The following PIP4K2A variants were observed in gnomAD, a reference collection of about 807,000 sequenced individuals.
PIP4K2A encodes phosphatidylinositol 5-phosphate 4-kinase type-2 alpha.
Under a neutral mutation model 42.9 loss-of-function variants are expected in PIP4K2A, and 14 were observed. The ratio of observed to expected loss-of-function variants is 0.33; its 90% confidence interval spans 0.22 to 0.51. PIP4K2A has a LOEUF of 0.51. PIP4K2A is among the 20% of genes least tolerant of loss of function. The pLI is 0.97. For missense variants in PIP4K2A, 434 were observed against 519.8 expected, an observed-to-expected ratio of 0.83 and a Z score of 1.61; for synonymous variants, 192 against 192.2, an observed-to-expected ratio of 1.00 and a Z score of 0.01.
chr10:22,596,958 T>C (rs772113807), intron 3 of PIP4K2A, among the ~76,000 whole-genome samples: 36 of 152,370 alleles, frequency 2.4e-4, no homozygotes, highest in Non-Finnish European at 4.4e-4. Flanking sequence ...TATAGTGACA[T>C]ACACCTTCTA....
At chr10:22,619,769 T>C (rs1280824689) in intron 1 of PIP4K2A, among the ~76,000 whole-genome samples, 1 of 152,190 alleles carries the variant, frequency 6.6e-6, no homozygotes, top group Non-Finnish European at 1.5e-5. Flanking sequence ...TTCTCAAAAG[T>C]TGATGTCTAT....
intron 1 of PIP4K2A, among the ~76,000 whole-genome samples, chr10:22,696,303 C>T (rs752950153): frequency 3.3e-5 from 5 of 152,214 alleles, no homozygotes; most frequent in Non-Finnish European, 7.3e-5. Context: ...AGGGTCTCTC[C>T]TCAGCTGACA....
intron 3 of PIP4K2A, among the ~76,000 whole-genome samples, chr10:22,594,701 A>G (rs981046976): frequency 6.6e-6 from 1 of 152,238 alleles, no homozygotes; most frequent in African/African-American, 2.4e-5. Context: ...TGCCCAGCGC[A>G]ACATATGGGT....
At chr10:22,595,373 A>G (rs1291285151) in intron 3 of PIP4K2A, among the ~76,000 whole-genome samples, 3 of 152,242 alleles carry the variant, frequency 2.0e-5, no homozygotes, top group African/African-American at 7.2e-5. Context: ...TCATAATCAT[A>G]GACTTTTTGT....
chr10:22,648,603 T>C (rs142037200), intron 1 of PIP4K2A, among the ~76,000 whole-genome samples: 317 of 152,312 alleles, frequency 2.1e-3, no homozygotes, highest in African/African-American at 6.9e-3. Context: ...CTGAAACATG[T>C]GACCTTTTCT....
At chr10:22,594,267 T>G (rs1837578683) in intron 3 of PIP4K2A, among the ~76,000 whole-genome samples, 1 of 152,226 alleles carries the variant, frequency 6.6e-6, no homozygotes, top group Non-Finnish European at 1.5e-5. Context: ...CCCATTATAT[T>G]CTCTACACCT....
chr10:22,635,340 G>A (rs1012984356), intron 1 of PIP4K2A, among the ~76,000 whole-genome samples: 4 of 152,208 alleles, frequency 2.6e-5, no homozygotes, highest in African/African-American at 9.7e-5. Context: ...GGCTGAATGT[G>A]TGTGTCTGGA....
intron 1 of PIP4K2A, among the ~76,000 whole-genome samples, chr10:22,664,228 T>TATACAC (rs1554807358): frequency 2.2e-5 from 2 of 89,856 alleles, no homozygotes; most frequent in African/African-American, 1.2e-4. Flanking sequence ...CATATATATA[T>TATACAC]ACACACACAC....
chr10:22,637,814 G>C (rs1272233679), intron 1 of PIP4K2A, among the ~76,000 whole-genome samples: 2 of 152,174 alleles, frequency 1.3e-5, no homozygotes, highest in Non-Finnish European at 2.9e-5. Context: ...CAACAGTCTT[G>C]ATGCCCATCA....
chr10:22,665,069 T>C (rs1412203985), intron 1 of PIP4K2A, among the ~76,000 whole-genome samples: 7 of 152,220 alleles, frequency 4.6e-5, no homozygotes, highest in Admixed American at 2.6e-4. Context: ...CATATCTTTA[T>C]GGATATATTT....
At chr10:22,657,776 A>G (rs1017296285) in intron 1 of PIP4K2A, among the ~76,000 whole-genome samples, 4 of 152,226 alleles carry the variant, frequency 2.6e-5, no homozygotes, top group Non-Finnish European at 5.9e-5. Context: ...GCCCACTTGA[A>G]AAACTGAAAC....
chr10:22,617,352 G>A (rs1754373049), intron 1 of PIP4K2A, among the ~76,000 whole-genome samples: 1 of 152,212 alleles, frequency 6.6e-6, no homozygotes. Context: ...ATACAGGGGT[G>A]TCCCCACAAA....
intron 4 of PIP4K2A, among the ~76,000 whole-genome samples, chr10:22,588,308 A>T (rs1406412113): frequency 6.6e-6 from 1 of 151,096 alleles, no homozygotes; most frequent in Non-Finnish European, 1.5e-5. Flanking sequence ...GTTCTCTAAC[A>T]TTCTTGTATG....
intron 6 of PIP4K2A, among the ~76,000 whole-genome samples, chr10:22,560,743 T>G (rs1290265208): frequency 6.6e-6 from 1 of 152,238 alleles, no homozygotes; most frequent in Non-Finnish European, 1.5e-5. Context: ...ATGGCTCCAT[T>G]ACACATACTT....
At chr10:22,616,185 G>A (rs1471211503) in intron 1 of PIP4K2A, among the ~76,000 whole-genome samples, 1 of 152,170 alleles carries the variant, frequency 6.6e-6, no homozygotes, top group African/African-American at 2.4e-5. Flanking sequence ...AAGAGTGGGG[G>A]CAGGGGAGAG....
At chr10:22,556,445 T>A (rs1836550817) in intron 6 of PIP4K2A, among the ~76,000 whole-genome samples, 1 of 152,204 alleles carries the variant, frequency 6.6e-6, no homozygotes, top group South Asian at 2.1e-4. Context: ...ATCATAAAAA[T>A]TGGACTGGTT....
At chr10:22,683,142 G>T (rs1482987596) in intron 1 of PIP4K2A, among the ~76,000 whole-genome samples, 1 of 151,060 alleles carries the variant, frequency 6.6e-6, no homozygotes, top group Non-Finnish European at 1.5e-5. Context: ...CTTTATGTTG[G>T]ATCAAGCTGA....
At chr10:22,600,107 G>A (rs1044083373) in intron 3 of PIP4K2A, among the ~76,000 whole-genome samples, 1 of 151,176 alleles carries the variant, frequency 6.6e-6, no homozygotes, top group African/African-American at 2.4e-5. Flanking sequence ...TCCTCATTTA[G>A]TAACAGTTAC....
intron 1 of PIP4K2A, among the ~76,000 whole-genome samples, chr10:22,679,410 A>C (rs1839620183): frequency 6.6e-6 from 1 of 152,224 alleles, no homozygotes; most frequent in Non-Finnish European, 1.5e-5. Context: ...AGAAGGACAG[A>C]CAATATCAAG....
Sources: allele counts gnomAD v4.1 joint callset (sites outside exome capture counted in the v4.1 genomes callset), GRCh38; gene constraint gnomAD v4.1.1; transcripts MANE v1.5; gene names NCBI Gene and HGNC (gene_info 2026-07-23, HGNC 2026-07-21).